SLC35F1: variants seen among roughly 807,000 people sequenced by gnomAD.
SLC35F1 encodes the protein solute carrier family 35 member F1.
A neutral mutation model predicts 48.7 loss-of-function variants in SLC35F1; 14 were observed. That is an observed-to-expected ratio of 0.29 (90% CI 0.19 to 0.45). SLC35F1 has a LOEUF of 0.45. Among genes scored for constraint, SLC35F1 ranks in the 20% least tolerant of loss-of-function variants. The pLI, the probability that SLC35F1 is intolerant of heterozygous loss-of-function variation, is 1.00. For synonymous variants in SLC35F1, 190 were observed against 202.2 expected, an observed-to-expected ratio of 0.94 and a Z score of 0.51; for missense variants, 404 against 500.0, an observed-to-expected ratio of 0.81 and a Z score of 1.83.
At chr6:118,182,508 G>A (rs1283085843) in intron 2 of SLC35F1, among the ~76,000 whole-genome samples, 2 of 134,844 alleles carry the variant, frequency 1.5e-5, no homozygotes, top group Non-Finnish European at 1.6e-5. Flanking sequence ...AAAAGAAAGA[G>A]AGAGAGAGAG....
chr6:117,984,127 T>C (rs1262654075), intron 1 of SLC35F1, among the ~76,000 whole-genome samples: 1 of 152,200 alleles, frequency 6.6e-6, no homozygotes, highest in Non-Finnish European at 1.5e-5. Context: ...ATATATAACC[T>C]CTATCTTCAG....
intron 1 of SLC35F1, among the ~76,000 whole-genome samples, chr6:118,063,078 G>A (rs1772564609): frequency 6.6e-6 from 1 of 152,086 alleles, no homozygotes; most frequent in Non-Finnish European, 1.5e-5. Flanking sequence ...AGACTAGAAA[G>A]TTATTGTCTA....
At chr6:118,098,158 A>G (rs1033418207) in intron 1 of SLC35F1, among the ~76,000 whole-genome samples, 4 of 152,236 alleles carry the variant, frequency 2.6e-5, no homozygotes, top group African/African-American at 9.6e-5. Context: ...TCACAATTGT[A>G]TAGGTGTTTG....
intron 1 of SLC35F1, among the ~76,000 whole-genome samples, chr6:118,087,014 C>G (rs1773001319): frequency 6.6e-6 from 1 of 152,158 alleles, no homozygotes; most frequent in South Asian, 2.1e-4. Context: ...GTTCTTTGTT[C>G]CCCAGTCCCC....
At chr6:118,033,936 T>G (rs1772089730) in intron 1 of SLC35F1, among the ~76,000 whole-genome samples, 1 of 152,218 alleles carries the variant, frequency 6.6e-6, no homozygotes, top group Non-Finnish European at 1.5e-5. Flanking sequence ...TGAAATATAA[T>G]AGGACTCTCT....
chr6:118,154,926 G>A (rs1257354462), intron 2 of SLC35F1, among the ~76,000 whole-genome samples: 2 of 152,078 alleles, frequency 1.3e-5, no homozygotes, highest in African/African-American at 4.8e-5. Context: ...GTTTTTCCCT[G>A]GAACTTGGAA....
At chr6:117,968,151 A>G (rs1299491862) in intron 1 of SLC35F1, among the ~76,000 whole-genome samples, 1 of 152,186 alleles carries the variant, frequency 6.6e-6, no homozygotes, top group Non-Finnish European at 1.5e-5. Context: ...GTGTTCAGAC[A>G]GTACCATTCA....
intron 7 of SLC35F1, among the ~76,000 whole-genome samples, chr6:118,305,690 A>T (rs886515905): frequency 2.6e-5 from 4 of 152,174 alleles, no homozygotes; most frequent in African/African-American, 9.7e-5. Context: ...AATATTATAT[A>T]ATGTTATCTT....
At chr6:118,193,773 G>C (rs1010017611) in intron 2 of SLC35F1, among the ~76,000 whole-genome samples, 1 of 152,132 alleles carries the variant, frequency 6.6e-6, no homozygotes. Flanking sequence ...AGCTAGGGGT[G>C]TGGCTAACTC....
At chr6:118,172,727 T>C (rs1462214990) in intron 2 of SLC35F1, among the ~76,000 whole-genome samples, 1 of 152,176 alleles carries the variant, frequency 6.6e-6, no homozygotes, top group Non-Finnish European at 1.5e-5. Context: ...CTTGGAGATA[T>C]GAATTTGTAA....
At chr6:118,263,532 A>T (rs1034111581) in intron 3 of SLC35F1, among the ~76,000 whole-genome samples, 4 of 152,204 alleles carry the variant, frequency 2.6e-5, no homozygotes, top group African/African-American at 9.6e-5. Context: ...ATGTCCTTGG[A>T]GATTTTTCAG....
In SLC35F1 at chr6:118,228,309, ATGGAAT is replaced by A. The variant is rs1412445347; in HGVS notation, c.350-7199_350-7194del. On this transcript the variant is annotated intron_variant, in intron 2 of 7. Coordinates refer to ENST00000360388, the MANE Select transcript of SLC35F1 (RefSeq NM_001029858.4). ...TAATTTTGTTCACTTTTCATACTAA[ATGGAAT>A]AGTTTTAAACTCTAAATCCTAATAC... 5.7e-3 allele frequency among the ~76,000 whole-genome samples: 863 copies of A among 152,222 alleles called. 12 individuals are homozygous for A. Among genetic ancestry groups the A allele is most frequent in the African/African-American group, 0.02 (826 of 41,524 alleles).
chr6:118,204,284 A>T (rs560811491), intron 2 of SLC35F1, among the ~76,000 whole-genome samples: 1 of 152,068 alleles, frequency 6.6e-6, no homozygotes, highest in Admixed American at 6.6e-5. Context: ...ATGATAAGGA[A>T]GTGAAAGAGT....
chr6:118,160,898 AT>A (rs5879450), intron 2 of SLC35F1, among the ~76,000 whole-genome samples: 6,258 of 143,732 alleles, frequency 0.044, 219 homozygotes, highest in African/African-American at 0.097. Flanking sequence ...GTATCCTGCT[AT>A]TTTTTTTTTT....
chr6:117,958,834 C>T (rs747386657), intron 1 of SLC35F1, among the ~76,000 whole-genome samples: 25 of 152,210 alleles, frequency 1.6e-4, no homozygotes, highest in Non-Finnish European at 3.2e-4. Context: ...AACAGTTTTA[C>T]ATCTCACTTC....
At chr6:118,003,170 A>G (rs1202110517) in intron 1 of SLC35F1, among the ~76,000 whole-genome samples, 3 of 152,256 alleles carry the variant, frequency 2.0e-5, no homozygotes, top group African/African-American at 2.4e-5. Flanking sequence ...AGGATAAAAT[A>G]GTTCAGGATA....
At chr6:118,190,996 C>A (rs1294459438) in intron 2 of SLC35F1, among the ~76,000 whole-genome samples, 1 of 152,156 alleles carries the variant, frequency 6.6e-6, no homozygotes, top group Admixed American at 6.5e-5. Context: ...ATAGCCTTTA[C>A]AGTAGAATCT....
At chr6:118,004,685 C>T (rs763773651) in intron 1 of SLC35F1, among the ~76,000 whole-genome samples, 47 of 152,072 alleles carry the variant, frequency 3.1e-4, no homozygotes, top group Admixed American at 3.0e-3. Context: ...CTTGAGCCTC[C>T]TGAGTAGCTG....
intron 1 of SLC35F1, among the ~76,000 whole-genome samples, chr6:117,966,009 A>G (rs1485099802): frequency 7.6e-6 from 1 of 131,452 alleles, no homozygotes; most frequent in Non-Finnish European, 1.7e-5. Flanking sequence ...AAAATGGACC[A>G]ATCAGCACTC....
Sources: allele counts gnomAD v4.1 joint callset (sites outside exome capture counted in the v4.1 genomes callset), GRCh38; gene constraint gnomAD v4.1.1; transcripts MANE v1.5; gene names NCBI Gene and HGNC (gene_info 2026-07-23, HGNC 2026-07-21).